ERI1: variants seen among roughly 807,000 people sequenced by gnomAD.
ERI1 encodes 3'-5' exoribonuclease 1.
In ERI1, 39 loss-of-function variants were observed where a neutral mutation model predicts 39.7. The observed-to-expected ratio is 0.98, with a 90% CI of 0.76 to 1.28. ERI1 has a LOEUF of 1.28. Ranked by LOEUF, ERI1 falls within the 50% of genes most tolerant of loss-of-function variation. The pLI, the probability that ERI1 is intolerant of heterozygous loss-of-function variation, is 0.00. For synonymous variants in ERI1, 204 were observed against 149.6 expected, an observed-to-expected ratio of 1.36 and a Z score of -2.65; for missense variants, 581 against 416.9, an observed-to-expected ratio of 1.39 and a Z score of -3.43.
intron 3 of ERI1, among the ~76,000 whole-genome samples, chr8:9,068,004 C>G (rs1798935825): frequency 1.3e-5 from 2 of 152,082 alleles, no homozygotes. Flanking sequence ...TCTCCTTCCC[C>G]CAAGCAAGAA....
chr8:9,083,323 C>A (rs939695071), intron 3 of ERI1, among the ~76,000 whole-genome samples: 1 of 152,180 alleles, frequency 6.6e-6, no homozygotes, highest in African/African-American at 2.4e-5. Flanking sequence ...ATCCAAAGAT[C>A]TCTTATTACA....
chr8:9,004,438 G>T (rs1282579984), intron 1 of ERI1: 1 of 246,380 alleles, frequency 4.1e-6, no homozygotes, highest in Non-Finnish European at 7.1e-6. Flanking sequence ...CTTTAGTGAC[G>T]GTAGTAATTG....
chr8:9,097,815 C>T (rs1799925435), intron 3 of ERI1, among the ~76,000 whole-genome samples: 1 of 151,684 alleles, frequency 6.6e-6, no homozygotes, highest in Non-Finnish European at 1.5e-5. Context: ...GCAATAAAAG[C>T]CATTGCAGAA....
At chr8:9,078,903 A>G (rs770939123) in intron 3 of ERI1, among the ~76,000 whole-genome samples, 3 of 152,190 alleles carry the variant, frequency 2.0e-5, no homozygotes, top group Non-Finnish European at 2.9e-5. Flanking sequence ...ACAAACCTCA[A>G]TTCTCAGAGG....
At chr8:9,012,238 C>G (rs1402085646) in intron 3 of ERI1, among the ~76,000 whole-genome samples, 1 of 152,174 alleles carries the variant, frequency 6.6e-6, no homozygotes, top group Non-Finnish European at 1.5e-5. Context: ...TTTTGAACCT[C>G]TCTCTCTGGT....
chr8:9,074,066 G>A (rs961314931), intron 3 of ERI1, among the ~76,000 whole-genome samples: 21 of 149,618 alleles, frequency 1.4e-4, no homozygotes, highest in African/African-American at 4.9e-4. Flanking sequence ...GATTACAGGT[G>A]TATAAGCCAC....
intron 3 of ERI1, among the ~76,000 whole-genome samples, chr8:9,054,320 C>T (rs1354508543): frequency 1.3e-5 from 2 of 152,204 alleles, no homozygotes; most frequent in African/African-American, 4.8e-5. Flanking sequence ...TTCGGCTGCA[C>T]TTTTTTGTAG....
In ERI1 at chr8:9,032,864, G is replaced by A. The variant is rs558088283; in HGVS notation, c.*2830G>A. The A allele has an allele frequency of 1.3e-5, 2 of 152,244 alleles. No homozygotes were observed. Among genetic ancestry groups the A allele is most frequent in the South Asian group, 2.1e-4 (1 of 4,828 alleles). 9.4% of individuals were successfully genotyped at this position (152,244 alleles called of 1,614,324 possible). On this transcript the variant is annotated 3_prime_UTR_variant, in exon 7 of 7. Coordinates refer to ENST00000250263, the MANE Select transcript of ERI1 (RefSeq NM_153332.4). ...ACCTGCCTCACAGATGAGCACGCAC[G>A]GGTGCATTGTCAAAGTCTGAGAAGG...
At chr8:9,010,961 T>TA (rs1270936393) in intron 2 of ERI1, among the ~76,000 whole-genome samples, 38 of 152,294 alleles carry the variant, frequency 2.5e-4, no homozygotes, top group African/African-American at 8.9e-4. Flanking sequence ...ACAGTTTACT[T>TA]AGAGTGTATT....
At chr8:9,018,491 C>A in intron 5 of ERI1, 85 bp downstream of exon 5, 1 of 778,012 alleles carries the variant, frequency 1.3e-6, no homozygotes, top group Non-Finnish European at 2.1e-6. Flanking sequence ...AGAATAACCA[C>A]AAACTATTAT....
chr8:9,004,812 C>G (rs1815805110), intron 1 of ERI1, among the ~76,000 whole-genome samples: 1 of 150,496 alleles, frequency 6.6e-6, no homozygotes, highest in South Asian at 2.1e-4. Flanking sequence ...CTCAGCCTCC[C>G]TAGTAGCTGG....
chr8:9,059,435 G>A (rs1585270096), intron 3 of ERI1, among the ~76,000 whole-genome samples: 2 of 152,120 alleles, frequency 1.3e-5, no homozygotes, highest in Non-Finnish European at 1.5e-5. Context: ...GCTGCTTCGA[G>A]CAGGATTAGG....
At chr8:9,026,557 G>C (rs1211589686) in intron 6 of ERI1, among the ~76,000 whole-genome samples, 1 of 152,126 alleles carries the variant, frequency 6.6e-6, no homozygotes, top group Non-Finnish European at 1.5e-5. Flanking sequence ...TCATGTGTCA[G>C]AATTCTACCT....
At chr8:9,053,919 C>T (rs1172231775) in intron 3 of ERI1, among the ~76,000 whole-genome samples, 1 of 152,214 alleles carries the variant, frequency 6.6e-6, no homozygotes, top group Non-Finnish European at 1.5e-5. Context: ...TCTTTCTCTG[C>T]TTTCTTCCTC....
chr8:9,003,487 C>T (rs1176326589), intron 1 of ERI1, among the ~76,000 whole-genome samples: 1 of 152,180 alleles, frequency 6.6e-6, no homozygotes, highest in Non-Finnish European at 1.5e-5. Context: ...CTCCATGTAG[C>T]CGTTATGGGT....
At chr8:9,018,197 C>G in intron 4 of ERI1, 100 bp from the exon 5 acceptor site, 1 of 597,492 alleles carries the variant, frequency 1.7e-6, no homozygotes, top group South Asian at 2.6e-5. Flanking sequence ...ATCAGCCTTT[C>G]TCATACTGTT....
At chr8:9,066,259 T>G (rs565814137) in intron 3 of ERI1, among the ~76,000 whole-genome samples, 3 of 152,334 alleles carry the variant, frequency 2.0e-5, no homozygotes, top group African/African-American at 7.2e-5. Flanking sequence ...GGGGCATCTC[T>G]TCCCCTTTCT....
At chr8:9,026,664 T>C (rs1797185108) in intron 6 of ERI1, among the ~76,000 whole-genome samples, 1 of 152,196 alleles carries the variant, frequency 6.6e-6, no homozygotes, top group Non-Finnish European at 1.5e-5. Flanking sequence ...ATCTGAAACT[T>C]TCTGGGCACT....
At position 9,003,127 on chromosome 8, in the gene ERI1, C is replaced by CCGCGGCCT. The variant is rs1267588889; in HGVS notation, c.71_72insTCGCGGCC (p.Glu25ArgfsTer58). ...CGTGGCTCTCGCGCTGCTGGAGTCGCCGCGGCCGGAGGGCGGGGAGGAGCC... is the reference window on the plus strand; with the variant it reads ...CGTGGCTCTCGCGCTGCTGGAGTCGCCGCGGCCTCGCGGCCGGAGGGCGGGGAGGAGCC... On this transcript the variant is annotated frameshift_variant, in exon 1 of 7. Transcript: ENST00000250263. LOFTEE classifies it high-confidence loss of function. 4.8e-6 allele frequency: 6 copies of CCGCGGCCT among 1,245,746 alleles called. No individual in the cohort carries two copies. Among genetic ancestry groups the CCGCGGCCT allele is most frequent in the Non-Finnish European group, 6.1e-6 (6 of 990,244 alleles). The allele number at this position is 1,245,746 out of a possible 1,614,324, so 77.2% of individuals were successfully genotyped here. A position where few individuals can be genotyped will look rare whatever the true frequency, so the allele number is the denominator to read the frequency against.
Sources: allele counts gnomAD v4.1 joint callset (sites outside exome capture counted in the v4.1 genomes callset), GRCh38; gene constraint gnomAD v4.1.1; transcripts MANE v1.5; gene names NCBI Gene and HGNC (gene_info 2026-07-23, HGNC 2026-07-21).